Variants in RPS6KA2 observed in about 807,000 individuals in gnomAD.
RPS6KA2 encodes ribosomal protein S6 kinase alpha-2.
In RPS6KA2, 42 loss-of-function variants were observed where a neutral mutation model predicts 91.8. The ratio of observed to expected loss-of-function variants is 0.46; its 90% CI spans 0.36 to 0.59. The LOEUF is 0.59. Ranked by LOEUF, RPS6KA2 falls within the 20% of genes least tolerant of loss-of-function variation. The pLI is 0.00. For synonymous variants in RPS6KA2, 414 were observed against 393.6 expected (o/e 1.05, Z -0.61); for missense variants, 798 against 978.5 (o/e 0.82, Z 2.46).
In RPS6KA2 at chr6:166,836,744, TTTTG is replaced by T. The variant is rs772019803; in HGVS notation, c.123+21452_123+21455del. The stretch of plus-strand genomic sequence containing the variant: ...GGGCCAGTCTCGAGGACAGGTTGGC[TTTTG>T]TTTGTTTGTTTTGGTATGTGTCTTC... On this transcript the variant is annotated intron_variant, in intron 2 of 21. Coordinates refer to the RPS6KA2 transcript ENST00000503859. Among the ~76,000 whole-genome samples, 233 of 152,176 alleles carry T rather than the reference TTTTG, an allele frequency of 1.5e-3. 1 individual carries two copies. The highest frequency in any genetic ancestry group is 2.4e-3 in the Non-Finnish European group (164 of 68,030).
intron 2 of RPS6KA2, among the ~76,000 whole-genome samples, chr6:166,782,733 C>T (rs1041301143): frequency 1.3e-4 from 20 of 152,164 alleles, no homozygotes; most frequent in African/African-American, 3.4e-4. Flanking sequence ...CCCTACCTGA[C>T]GTCAGAACTG....
chr6:166,507,390 C>CACACA lies in RPS6KA2; in HGVS notation c.459+812_459+813insTGTGT, dbSNP rs563166079. On this transcript the variant is annotated intron_variant, in intron 5 of 20. Coordinates refer to ENST00000265678, the MANE Select transcript of RPS6KA2 (RefSeq NM_021135.6). ...CCAACACACACACACACACACACAC[C>CACACA]CACCCCACATCACACATAGCACACA... Among the ~76,000 whole-genome samples the CACACA allele has an allele frequency of 2.5e-3, 367 of 146,610 alleles. 1 individual carries two copies. Among genetic ancestry groups the CACACA allele is most frequent in the East Asian group, 9.3e-3 (45 of 4,862 alleles).
At chr6:166,562,573 C>A (rs191246932) in intron 1 of RPS6KA2, among the ~76,000 whole-genome samples, 32 of 152,306 alleles carry the variant, frequency 2.1e-4, no homozygotes, top group Admixed American at 3.3e-4. Context: ...AAAATTCATT[C>A]CCAAACTGGT....
Position 166,737,953 on chromosome 6 carries a change from G to T in RPS6KA2, c.123+120247C>A, listed in dbSNP as rs186886785. On this transcript the variant is annotated intron_variant, in intron 2 of 21. Transcript: ENST00000503859. This position sits in a 1 kb window ranked among gnomAD's most constrained non-coding sequence, Gnocchi z 4.3. ...AGTAAAATAAAAATGTCATGCCATC[G>T]CTCAGAGAGAATCCTTTTAATATTG... Among the ~76,000 whole-genome samples the T allele has an allele frequency of 5.7e-3, 868 of 152,262 alleles. 9 individuals carry two copies. The highest frequency in any genetic ancestry group is 0.02 in the African/African-American group (818 of 41,540).
At position 166,767,226 on chromosome 6, in the gene RPS6KA2, C is replaced by G. The variant is rs567349287; in HGVS notation, c.123+90974G>C. On this transcript the variant is annotated intron_variant, in intron 2 of 21. Transcript: ENST00000503859. The surrounding 1 kb of genome is among the most constrained non-coding windows in gnomAD (Gnocchi z 4.6). ...CAGTTTTTAATGTCGCCTATCACCT[C>G]CCCATGAGCAACGCCATCAAAAAGC... 7.2e-5 allele frequency among the ~76,000 whole-genome samples: 11 copies of G among 152,306 alleles called. No individual in the cohort carries two copies. In the South Asian group the frequency reaches 2.1e-3, roughly 29 times the overall value.
chr6:166,668,897 CT>C (rs1199119317), intron 2 of RPS6KA2, among the ~76,000 whole-genome samples: 164 of 87,518 alleles, frequency 1.9e-3, no homozygotes, highest in African/African-American at 3.5e-3. Context: ...TCTTTCTTTT[CT>C]TTTTTTTTTT....
rs565503049 is a variant in RPS6KA2, at chr6:166,509,140, T to C, written c.380-858A>G. On this transcript the variant is annotated intron_variant, in intron 4 of 20. Coordinates refer to ENST00000265678, the MANE Select transcript of RPS6KA2 (RefSeq NM_021135.6). ...CATAAATGTGGGGGTTTTAGAAACA[T>C]AGCCCCCAGCTAGAAAGCCCTCTGC... Among the ~76,000 whole-genome samples, 6 of 152,332 alleles carry C rather than the reference T, an allele frequency of 3.9e-5. No individual in the cohort carries two copies. In the East Asian group the frequency reaches 1.2e-3, roughly 29 times the overall value.
intron 2 of RPS6KA2, among the ~76,000 whole-genome samples, chr6:166,804,009 T>G (rs931049112): frequency 1.3e-5 from 2 of 152,242 alleles, no homozygotes; most frequent in Admixed American, 6.5e-5. Context: ...CTGTAAAACA[T>G]TCTTCACCTG....
In RPS6KA2 at chr6:166,822,502, G is replaced by A. The variant is rs778766231; in HGVS notation, c.123+35698C>T. ...CCTTGACTTTTGATTTCCAGCCTCCGGAGCTACAAGGAAGTAACTTTCTGT... is the reference window on the plus strand; with the variant it reads ...CCTTGACTTTTGATTTCCAGCCTCCAGAGCTACAAGGAAGTAACTTTCTGT... On this transcript the variant is annotated intron_variant, in intron 2 of 21. Transcript: ENST00000503859. Among the ~76,000 whole-genome samples the A allele has an allele frequency of 1.6e-4, 24 of 152,164 alleles. 1 individual carries two copies. The highest frequency in any genetic ancestry group is 2.9e-4 in the Non-Finnish European group (20 of 68,000).
chr6:166,421,834 T>A (rs1778731376), intron 17 of RPS6KA2, among the ~76,000 whole-genome samples: 1 of 152,184 alleles, frequency 6.6e-6, no homozygotes, highest in Admixed American at 6.5e-5. Context: ...CCCCATAATA[T>A]TATCAATATT....
chr6:166,768,414 A>G (rs1257529485), intron 2 of RPS6KA2, among the ~76,000 whole-genome samples: 4 of 152,202 alleles, frequency 2.6e-5, no homozygotes, highest in African/African-American at 9.7e-5. Flanking sequence ...AAAGACGCTG[A>G]CCGCTGTGTT....
At chr6:166,507,489 A>G (rs1562542692) in intron 5 of RPS6KA2, among the ~76,000 whole-genome samples, 1 of 150,228 alleles carries the variant, frequency 6.7e-6, no homozygotes. Flanking sequence ...CAGGATGTCA[A>G]ACACACAGAC....
intron 19 of RPS6KA2, among the ~76,000 whole-genome samples, chr6:166,417,851 A>G (rs1290860800): frequency 6.6e-6 from 1 of 152,138 alleles, no homozygotes; most frequent in African/African-American, 2.4e-5. Flanking sequence ...GGATCACTTG[A>G]GGTCAGGAGT....
At chr6:166,589,700 CTG>C (rs1190621506) in intron 1 of RPS6KA2, among the ~76,000 whole-genome samples, 1 of 152,212 alleles carries the variant, frequency 6.6e-6, no homozygotes, top group Admixed American at 6.5e-5. Context: ...CGCACATCAC[CTG>C]TGTCTCCAGC....
intron 1 of RPS6KA2, among the ~76,000 whole-genome samples, chr6:166,549,434 A>G (rs1285402957): frequency 6.6e-6 from 1 of 152,134 alleles, no homozygotes; most frequent in Non-Finnish European, 1.5e-5. Flanking sequence ...TGGTTCAACA[A>G]GCTGCAGTAC....
At chr6:166,748,633 C>G (rs1250120105) in intron 2 of RPS6KA2, among the ~76,000 whole-genome samples, 1 of 66,710 alleles carries the variant, frequency 1.5e-5, no homozygotes, top group Non-Finnish European at 2.8e-5. Context: ...CCTCCTCAGG[C>G]CCCCATCCCC....
chr6:166,731,523 C>A (rs1790518586), intron 2 of RPS6KA2, among the ~76,000 whole-genome samples: 1 of 152,088 alleles, frequency 6.6e-6, no homozygotes, highest in Non-Finnish European at 1.5e-5. Context: ...CTGTTTCTTT[C>A]TGCTTGCCAA....
At chr6:166,707,334 G>A (rs971684949) in intron 2 of RPS6KA2, among the ~76,000 whole-genome samples, 11 of 152,254 alleles carry the variant, frequency 7.2e-5, no homozygotes, top group African/African-American at 2.2e-4. Context: ...CTCCAACCAT[G>A]TGGCAGGGAG....
chr6:166,743,622 C>G (rs1790881688), intron 2 of RPS6KA2, among the ~76,000 whole-genome samples: 1 of 152,216 alleles, frequency 6.6e-6, no homozygotes, highest in Non-Finnish European at 1.5e-5. Flanking sequence ...CTCTTGTAAC[C>G]CTTTGGTATA....
Sources: gnomAD v4.1 joint callset for allele counts (sites outside exome capture counted in the v4.1 genomes callset) on GRCh38, gnomAD v4.1.1 for gene constraint, Gnocchi (gnomAD v3.1) non-coding constraint, MANE v1.5 for transcripts, NCBI Gene and HGNC (gene_info 2026-07-23, HGNC 2026-07-21) for gene names.